CALD1: variants seen among roughly 807,000 people sequenced by gnomAD.
The protein encoded by CALD1 is caldesmon 1, also known as caldesmon.
A neutral mutation model predicts 99.9 loss-of-function variants in CALD1; 33 were observed. The observed-to-expected ratio is 0.33, with a 90% confidence interval of 0.25 to 0.44. CALD1 has a LOEUF of 0.44. Among genes scored for constraint, CALD1 ranks in the 20% least tolerant of loss-of-function variants. CALD1 has a pLI of 1.00. For missense variants in CALD1, 861 were observed against 962.1 expected (o/e 0.89, Z 1.39); for synonymous variants, 310 against 325.0 (o/e 0.95, Z 0.50).
intron 2 of CALD1, among the ~76,000 whole-genome samples, chr7:134,851,254 T>C (rs1800068831): frequency 6.6e-6 from 1 of 152,170 alleles, no homozygotes; most frequent in Non-Finnish European, 1.5e-5. Context: ...CTGATATAAA[T>C]GAATGATCCC....
chr7:134,965,486 G>A lies in CALD1; in HGVS notation c.2376+100G>A. Reference sequence around the variant, plus strand: ...AGATGAGAAATATCACTGACCTACAGATCTTTGCCTGCACACCCATCAGTG... The same window carrying A: ...AGATGAGAAATATCACTGACCTACAAATCTTTGCCTGCACACCCATCAGTG... On this transcript the variant is annotated intron_variant, in intron 14 of 14. Transcript: ENST00000361675. 3 of 724,732 alleles carry A rather than the reference G, an allele frequency of 4.1e-6. No homozygotes were observed. In the Admixed American group the frequency reaches 5.8e-5, roughly 14 times the overall value. 44.9% of individuals were successfully genotyped at this position (724,732 alleles called of 1,614,324 possible). A position where few individuals can be genotyped will look rare whatever the true frequency, so the allele number is the denominator to read the frequency against.
chr7:134,890,038 A>G (rs1297392265), intron 3 of CALD1, among the ~76,000 whole-genome samples: 1 of 152,030 alleles, frequency 6.6e-6, no homozygotes, highest in African/African-American at 2.4e-5. Context: ...CCTCCCAAGT[A>G]GCTGGGACTA....
chr7:134,732,494 C>T, the CALD1 span, among the ~76,000 whole-genome samples: 3 of 152,296 alleles, frequency 2.0e-5, no homozygotes, highest in East Asian at 5.8e-4. Context: ...GTTGGCTTTT[C>T]CACCAAATGA....
intron 3 of CALD1, among the ~76,000 whole-genome samples, chr7:134,926,545 G>A (rs113201541): frequency 2.0e-5 from 3 of 152,156 alleles, no homozygotes; most frequent in Non-Finnish European, 2.9e-5. Context: ...ACCAACCTTC[G>A]GAATCATTAA....
Position 134,935,736 on chromosome 7 carries a change from G to A in CALD1, c.1357G>A (p.Glu453Lys), listed in dbSNP as rs1805919759. 1 of 1,601,162 alleles carries A rather than the reference G, an allele frequency of 6.2e-7. No individual in the cohort carries two copies. Among genetic ancestry groups the A allele is most frequent in the South Asian group, 1.1e-5 (1 of 87,822 alleles). Residue 453 changes from glutamate (E) to lysine (K), a missense_variant, in exon 6 of 15, where the codon GAA becomes AAA. Glu to Lys is a moderately conservative substitution (Grantham distance 56, BLOSUM62 1). This residue lies in a region of CALD1 where 293 missense variants were observed against 262.7 expected (regional missense o/e 1.12). Transcript: ENST00000361675. ...KVQAKREKLQ[E>K]DKPTFKKEEI... ...GCAAGCTAAAAGAGAAAAGCTCCAA[G>A]AAGACAAGCCTACCTTCAAAAAAGA...
chr7:134,892,835 T>C (rs1802304604), intron 3 of CALD1, among the ~76,000 whole-genome samples: 1 of 152,202 alleles, frequency 6.6e-6, no homozygotes, highest in Non-Finnish European at 1.5e-5. Flanking sequence ...TACTCTGCAG[T>C]CATAGCCCAC....
chr7:134,832,053 G>C (rs1017584669), intron 1 of CALD1, among the ~76,000 whole-genome samples: 1 of 152,150 alleles, frequency 6.6e-6, no homozygotes, highest in Non-Finnish European at 1.5e-5. Context: ...CCGTAGGGTG[G>C]GCATGCGCAC....
At chr7:134,954,130 A>G (rs768919068) in intron 9 of CALD1, among the ~76,000 whole-genome samples, 2 of 152,212 alleles carry the variant, frequency 1.3e-5, no homozygotes, top group Non-Finnish European at 1.5e-5. Flanking sequence ...TCAAAATACT[A>G]CCAACTACTG....
rs187917793 is a variant in CALD1, at chr7:134,788,352, C to T, written c.-130+8603C>T. Among the ~76,000 whole-genome samples, 195 of 152,238 alleles carry T rather than the reference C, an allele frequency of 1.3e-3. 1 individual carries two copies. The highest frequency in any genetic ancestry group is 1.9e-3 in the Admixed American group (29 of 15,296). On this transcript the variant is annotated intron_variant, in intron 1 of 14. Transcript: ENST00000361675. ...TGTCATATTCAGAACTTGAAATTGA[C>T]CATGATGGAAGTAATTACACCACAG...
At chr7:134,857,767 C>G (rs1443935395) in intron 2 of CALD1, among the ~76,000 whole-genome samples, 1 of 152,150 alleles carries the variant, frequency 6.6e-6, no homozygotes, top group Non-Finnish European at 1.5e-5. Flanking sequence ...TTTTAACCTG[C>G]TTTGCAGTTC....
At chr7:134,813,689 A>G (rs1335352440) in intron 1 of CALD1, among the ~76,000 whole-genome samples, 4 of 152,196 alleles carry the variant, frequency 2.6e-5, no homozygotes, top group Admixed American at 2.6e-4. Flanking sequence ...TGGAGACTTC[A>G]AGGCAACAGA....
Position 134,752,274 on chromosome 7 carries a change from C to T in CALD1, c.-130+7911C>T, listed in dbSNP as rs546251360. Among the ~76,000 whole-genome samples, 8 of 152,222 alleles carry T rather than the reference C, an allele frequency of 5.3e-5. No individual in the cohort carries two copies. In the South Asian group the frequency reaches 1.2e-3, roughly 24 times the overall value. ...TCAGCCTGTCAGAAAAGGAAGCTTT[C>T]GGCCTGATGCCAAAGAAATTTGCTA... On this transcript the variant is annotated intron_variant, in intron 1 of 13. Transcript: ENST00000417172.
At chr7:134,888,813 C>T (rs985782922) in intron 3 of CALD1, among the ~76,000 whole-genome samples, 21 of 152,168 alleles carry the variant, frequency 1.4e-4, no homozygotes, top group Admixed American at 1.3e-3. Context: ...GGAGGGTGCG[C>T]GCTGTTTCCC....
chr7:134,768,321 C>T (rs1315454550), intron 1 of CALD1, among the ~76,000 whole-genome samples: 3 of 152,198 alleles, frequency 2.0e-5, no homozygotes, highest in Non-Finnish European at 4.4e-5. Context: ...CTGGCCCCAT[C>T]AAAGTGGGTC....
At chr7:134,791,204 G>C (rs555095664) in intron 1 of CALD1, among the ~76,000 whole-genome samples, 5 of 152,266 alleles carry the variant, frequency 3.3e-5, no homozygotes, top group African/African-American at 1.2e-4. Context: ...TTATTTGTTT[G>C]TTTGTTTTTT....
intron 1 of CALD1, among the ~76,000 whole-genome samples, chr7:134,815,932 A>G (rs545553694): frequency 6.6e-6 from 1 of 152,196 alleles, no homozygotes; most frequent in Non-Finnish European, 1.5e-5. Flanking sequence ...TAAAATATCA[A>G]TTCCTTAAGA....
chr7:134,816,236 G>A (rs1798559268), intron 1 of CALD1, among the ~76,000 whole-genome samples: 1 of 152,148 alleles, frequency 6.6e-6, no homozygotes, highest in African/African-American at 2.4e-5. Flanking sequence ...TTATCTCAGT[G>A]TCTGATTATA....
chr7:134,928,317 T>G (rs931545673), intron 3 of CALD1, among the ~76,000 whole-genome samples: 2 of 151,252 alleles, frequency 1.3e-5, no homozygotes, highest in African/African-American at 4.9e-5. Context: ...TAATCCCAGC[T>G]GCTCGGGAGG....
At chr7:134,962,561 G>A (rs993076820) in intron 13 of CALD1, among the ~76,000 whole-genome samples, 3 of 152,038 alleles carry the variant, frequency 2.0e-5, no homozygotes, top group Non-Finnish European at 4.4e-5. Flanking sequence ...GTGGCTTCCT[G>A]AATGAGAACC....
Sources: allele counts gnomAD v4.1 joint callset (sites outside exome capture counted in the v4.1 genomes callset), GRCh38; gene constraint gnomAD v4.1.1; regional missense constraint gnomAD v4.1.1; transcripts MANE v1.5; gene names NCBI Gene and HGNC (gene_info 2026-07-23, HGNC 2026-07-21).